The following LTBP2 variants were observed in gnomAD, a reference collection of about 807,000 sequenced individuals.
The protein encoded by LTBP2 is latent transforming growth factor beta binding protein 2, also known as latent-transforming growth factor beta-binding protein 2.
A neutral mutation model predicts 210.6 loss-of-function variants in LTBP2; 103 were observed. The observed-to-expected ratio is 0.49, with a 90% CI of 0.42 to 0.58. The LOEUF (loss-of-function observed/expected upper bound fraction) is 0.58. LTBP2 is among the 20% of genes least tolerant of loss of function. The pLI, the probability that LTBP2 is intolerant of heterozygous loss-of-function variation, is 0.00. For synonymous variants in LTBP2, 1,007 were observed against 1,015.0 expected (o/e 0.99, Z 0.15); for missense variants, 2,313 against 2,494.5 (o/e 0.93, Z 1.55).
Position 74,498,194 on chromosome 14 carries a change from ATATTT to A in LTBP2, c.*2685_*2689del, listed in dbSNP as rs902403589. 5.7e-6 allele frequency: 1 copy of A among 174,438 alleles called. No individual in the cohort carries two copies. The highest frequency in any genetic ancestry group is 2.4e-5 in the African/African-American group (1 of 42,132). The allele number at this position is 174,438 out of a possible 1,614,324, so 10.8% of individuals were successfully genotyped here. A position where few individuals can be genotyped will look rare whatever the true frequency, so the allele number is the denominator to read the frequency against. On this transcript the variant is annotated 3_prime_UTR_variant, in exon 36 of 36. Transcript: ENST00000261978. ...CTTTGGCCAGCAACTGTATTTAAAA[ATATTT>A]TATTTTTTTTGAATAGGTGATACAT...
At chr14:74,583,335 T>C (rs2088162529) in intron 3 of LTBP2, among the ~76,000 whole-genome samples, 1 of 152,266 alleles carries the variant, frequency 6.6e-6, no homozygotes, top group East Asian at 1.9e-4. Context: ...CAGCAACTGC[T>C]TGAGAAACCT....
intron 3 of LTBP2, among the ~76,000 whole-genome samples, chr14:74,575,604 C>T (rs992689963): frequency 9.2e-5 from 14 of 152,186 alleles, no homozygotes; most frequent in African/African-American, 3.1e-4. Context: ...TGCCTCAGAC[C>T]CATCTGGCCA....
chr14:74,611,588 C>A lies in LTBP2; in HGVS notation c.357G>T (p.Ala119=), dbSNP rs1430081374. The A allele has an allele frequency of 6.3e-7, 1 of 1,575,602 alleles. No homozygotes were observed. Among genetic ancestry groups the A allele is most frequent in the Admixed American group, 1.8e-5 (1 of 57,066 alleles). ...AQQSRRVQPP[A]QTRRSTPLGQ... ...CCAGGGGAGTGCTTCTCCGGGTCTG[C>A]GCAGGTGGCTGGACACGCCGCGACT... The change falls in exon 1 of 36, where the codon GCG becomes GCT. Residue 119 remains alanine, a synonymous_variant. Transcript: ENST00000261978.
chr14:74,498,961 C>G lies in LTBP2; in HGVS notation c.*1923G>C, dbSNP rs755969599. 4.5e-6 allele frequency: 1 copy of G among 222,172 alleles called. No homozygotes were observed. Among genetic ancestry groups the G allele is most frequent in the African/African-American group, 2.2e-5 (1 of 44,734 alleles). 13.8% of individuals were successfully genotyped at this position (222,172 alleles called of 1,614,324 possible). A position where few individuals can be genotyped will look rare whatever the true frequency, so the allele number is the denominator to read the frequency against. ...CAAATGATGCAGTAATAACTTCTTACGTATGTCATTTTATATCTGGTGAAA... is the reference window on the plus strand; with the variant it reads ...CAAATGATGCAGTAATAACTTCTTAGGTATGTCATTTTATATCTGGTGAAA... On this transcript the variant is annotated 3_prime_UTR_variant, in exon 36 of 36. Transcript: ENST00000261978.
At chr14:74,584,909 T>A (rs2088182753) in intron 3 of LTBP2, among the ~76,000 whole-genome samples, 1 of 152,038 alleles carries the variant, frequency 6.6e-6, no homozygotes, top group Non-Finnish European at 1.5e-5. Flanking sequence ...GAACCTAACC[T>A]CAAGGTCGGC....
chr14:74,595,079 G>A (rs1419656253), intron 2 of LTBP2, among the ~76,000 whole-genome samples: 4 of 152,266 alleles, frequency 2.6e-5, no homozygotes, highest in East Asian at 1.9e-4. Context: ...GAAAGATGCC[G>A]TTCTTGGCCC....
intron 8 of LTBP2, among the ~76,000 whole-genome samples, chr14:74,548,559 A>T (rs2139742626): frequency 1.3e-5 from 2 of 152,304 alleles, no homozygotes; most frequent in South Asian, 4.1e-4. Flanking sequence ...CCTGATAGGA[A>T]AGAGAAAAGA....
Position 74,586,305 on chromosome 14 carries a change from G to A in LTBP2, c.566-187C>T, listed in dbSNP as rs2088205108. 6.6e-6 allele frequency among the ~76,000 whole-genome samples: 1 copy of A among 152,094 alleles called. No homozygotes were observed. The highest frequency in any genetic ancestry group is 2.4e-5 in the African/African-American group (1 of 41,400). On this transcript the variant is annotated intron_variant, in intron 2 of 35. Coordinates refer to ENST00000261978, the MANE Select transcript of LTBP2 (RefSeq NM_000428.3). This position sits in a 1 kb window ranked among gnomAD's most constrained non-coding sequence, Gnocchi z 4.6. ...CCCACCTCCATCCACAGACCCCCAG[G>A]ACTTGTTCACCTCTGATCTCTGGAC...
chr14:74,519,859 G>T (rs2139707452), intron 17 of LTBP2, among the ~76,000 whole-genome samples: 1 of 152,338 alleles, frequency 6.6e-6, no homozygotes, highest in East Asian at 1.9e-4. Context: ...GCAAAGAGCA[G>T]TGCCTCTGGC....
In LTBP2 at chr14:74,551,156, G is replaced by A. The variant is rs528631750; in HGVS notation, c.1594C>T (p.Arg532Trp). 60 of 1,613,890 alleles carry A rather than the reference G, an allele frequency of 3.7e-5. 1 individual carries two copies. The South Asian group carries it at 5.3e-4, about 14-fold the overall frequency. ...AGTGGCCGAGGGGGCTCTCCAGACC[G>A]AGCAGGGATGTTGTTGCTGTCCCAG... ...SLWDSNNIPA[R>W]SGEPPRPLPP... The change falls in exon 7 of 36, where the codon CGG (arginine) becomes TGG (tryptophan). Residue 532 changes from arginine (R) to tryptophan (W), a missense_variant. By Grantham distance (101) the Arg-to-Trp change is moderately radical. Around this residue, in one of 3 missense-constraint regions of LTBP2, gnomAD observed 1,867 missense variants for 1,976.9 expected, o/e 0.94. Transcript: ENST00000261978.
At chr14:74,530,672 C>T (rs543429844) in intron 10 of LTBP2, among the ~76,000 whole-genome samples, 12 of 152,308 alleles carry the variant, frequency 7.9e-5, no homozygotes, top group African/African-American at 2.4e-4. Context: ...TGCACCACCA[C>T]GCCTGGCTAA....
chr14:74,533,429 C>G (rs2087377361), intron 9 of LTBP2, among the ~76,000 whole-genome samples: 1 of 152,094 alleles, frequency 6.6e-6, no homozygotes, highest in South Asian at 2.1e-4. Context: ...GAAGGGGCAG[C>G]CAAGTCCCTC....
At chr14:74,563,432 G>C (rs1389572818) in intron 3 of LTBP2, among the ~76,000 whole-genome samples, 1 of 152,154 alleles carries the variant, frequency 6.6e-6, no homozygotes, top group African/African-American at 2.4e-5. Context: ...TAGGGGATTG[G>C]TTAAACAAAC....
chr14:74,521,859 A>AC, intron 17 of LTBP2, 52 bp downstream of exon 17: 2 of 1,610,044 alleles, frequency 1.2e-6, no homozygotes, highest in Non-Finnish European at 1.7e-6. Flanking sequence ...TTCCTCTTCC[A>AC]CCCCCTCAAG....
chr14:74,525,071 A>T (rs2087254271), intron 15 of LTBP2, 53 bp downstream of exon 15: 1 of 1,054,778 alleles, frequency 9.5e-7, no homozygotes, highest in Non-Finnish European at 1.3e-6. Context: ...CTCTGGACAG[A>T]CACAGCTCAC....
At chr14:74,517,003 G>C (rs1319085891) in intron 17 of LTBP2, 62 bp from the exon 18 acceptor site, 7 of 1,540,270 alleles carry the variant, frequency 4.5e-6, no homozygotes, top group Non-Finnish European at 6.1e-6. Context: ...GAGGGGGCGG[G>C]GTCCTGGAGC....
At position 74,509,282 on chromosome 14, in the gene LTBP2, C is replaced by T. The variant is rs749904726; in HGVS notation, c.3359G>A (p.Cys1120Tyr). The T allele has an allele frequency of 1.9e-6, 3 of 1,613,660 alleles. No homozygotes were observed. Among genetic ancestry groups the T allele is most frequent in the Admixed American group, 3.3e-5 (2 of 60,028 alleles). ...GGGGCTGGGCCGGTAGCCCCCATCG[C>T]AGTCCTTGCAGGAGAAGGAGCCAGC... Reference protein sequence around the residue: ...NTAGSFSCKDCDGGYRPSPLG... With the variant: ...NTAGSFSCKDYDGGYRPSPLG... The change falls in exon 22 of 36, where the codon TGC becomes TAC. Residue 1120 changes from cysteine to tyrosine, a missense_variant. Physicochemically the swap from Cys to Tyr is radical, Grantham distance 194. Transcript: ENST00000261978.
rs182836877 is a variant in LTBP2 at position 74,592,960 on chromosome 14, C to A, written c.566-6842G>T. 1.3e-4 allele frequency among the ~76,000 whole-genome samples: 20 copies of A among 152,282 alleles called. No homozygotes were observed. In the South Asian group the frequency reaches 4.1e-3, roughly 32 times the overall value. ...CAGGACCCTTTCTTTTCCACACCCC[C>A]CTGGCCCGCTCTTCACTGAGCATTA... is the stretch of plus-strand genomic sequence containing the variant. On this transcript the variant is annotated intron_variant, in intron 2 of 35. Transcript: ENST00000261978.
intron 5 of LTBP2, 92 bp from the exon 6 acceptor site, chr14:74,552,485 AC>A: frequency 8.3e-7 from 1 of 1,210,226 alleles, no homozygotes. Context: ...AGGCGGCAGA[AC>A]CCTGACCCTA....
Sources: gnomAD v4.1 joint callset for allele counts (sites outside exome capture counted in the v4.1 genomes callset) on GRCh38, gnomAD v4.1.1 for gene constraint, gnomAD v4.1.1 regional missense constraint, Gnocchi (gnomAD v3.1) non-coding constraint, MANE v1.5 for transcripts, NCBI Gene and HGNC (gene_info 2026-07-23, HGNC 2026-07-21) for gene names.